The following SNTG1 variants were observed in gnomAD, a reference collection of about 807,000 sequenced individuals.
The protein encoded by SNTG1 is gamma-1-syntrophin.
In SNTG1, 39 loss-of-function variants were observed where a neutral mutation model predicts 74.7. That is an observed-to-expected ratio of 0.52 (90% CI 0.40 to 0.68). The LOEUF (loss-of-function observed/expected upper bound fraction) is 0.68. SNTG1 is among the 30% of genes least tolerant of loss of function. SNTG1 has a pLI of 0.00. For missense variants in SNTG1, 685 were observed against 609.5 expected, an observed-to-expected ratio of 1.12 and a Z score of -1.30; for synonymous variants, 254 against 217.1, an observed-to-expected ratio of 1.17 and a Z score of -1.49.
chr8:50,117,930 A>G (rs969705913), intron 1 of SNTG1, among the ~76,000 whole-genome samples: 1 of 152,142 alleles, frequency 6.6e-6, no homozygotes, highest in Non-Finnish European at 1.5e-5. Flanking sequence ...AAGTGTGCTG[A>G]GTTCCCTGTA....
In SNTG1 at chr8:50,141,492, C is replaced by T. The variant is rs184789063; in HGVS notation, c.-102-31069C>T. Among the ~76,000 whole-genome samples the T allele has an allele frequency of 2.3e-4, 35 of 152,232 alleles. No homozygotes were observed. In the East Asian group the frequency reaches 4.1e-3, roughly 18 times the overall value. On this transcript the variant is annotated intron_variant, in intron 1 of 18. Transcript: ENST00000642720. ...TACTAATGGTTCAAACCTACCTAAA[C>T]GCTTGCAATGAGAGATATGAATATG...
At chr8:50,553,611 T>C (rs900823549) in intron 12 of SNTG1, among the ~76,000 whole-genome samples, 2 of 152,152 alleles carry the variant, frequency 1.3e-5, no homozygotes, top group Admixed American at 1.3e-4. Flanking sequence ...AGTCAGAAGA[T>C]TGCCATTGTC....
At chr8:50,212,826 C>A (rs138078495) in intron 2 of SNTG1, among the ~76,000 whole-genome samples, 88 of 152,280 alleles carry the variant, frequency 5.8e-4, no homozygotes, top group African/African-American at 1.9e-3. Context: ...CATTCAGTTT[C>A]TTCCAGCAGC....
intron 1 of SNTG1, among the ~76,000 whole-genome samples, chr8:49,963,674 A>G (rs73677828): frequency 0.02 from 2,985 of 152,186 alleles, 102 homozygotes; most frequent in African/African-American, 0.066. Flanking sequence ...GGTTTCCTTT[A>G]CTACAAGCTA....
At chr8:49,951,506 G>T (rs2129391634) in intron 1 of SNTG1, among the ~76,000 whole-genome samples, 1 of 149,736 alleles carries the variant, frequency 6.7e-6, no homozygotes, top group Non-Finnish European at 1.5e-5. Flanking sequence ...AGTATCGCAA[G>T]AACAAAAAAC....
chr8:50,720,902 T>C (rs566050499), intron 17 of SNTG1, among the ~76,000 whole-genome samples: 1 of 152,322 alleles, frequency 6.6e-6, no homozygotes, highest in South Asian at 2.1e-4. Context: ...GCTACTTTTA[T>C]TGCACATAAA....
intron 2 of SNTG1, among the ~76,000 whole-genome samples, chr8:50,270,623 A>G (rs980028399): frequency 1.3e-5 from 2 of 152,184 alleles, no homozygotes; most frequent in African/African-American, 4.8e-5. Context: ...TGTGAAGTCA[A>G]TGAGGGAAGG....
At chr8:50,298,676 AT>A (rs139823822) in intron 2 of SNTG1, among the ~76,000 whole-genome samples, 211 of 152,278 alleles carry the variant, frequency 1.4e-3, no homozygotes, top group African/African-American at 4.9e-3. Context: ...ATTCAATTTT[AT>A]TACCCTTTGG....
chr8:50,051,709 A>G (rs1017741179), intron 1 of SNTG1, among the ~76,000 whole-genome samples: 13 of 152,040 alleles, frequency 8.6e-5, no homozygotes, highest in Non-Finnish European at 1.9e-4. Flanking sequence ...TCTGCCACCC[A>G]GTATTCTTGT....
At chr8:50,321,092 C>G (rs4316169) in intron 2 of SNTG1, among the ~76,000 whole-genome samples, 1 of 151,932 alleles carries the variant, frequency 6.6e-6, no homozygotes, top group African/African-American at 2.4e-5. Context: ...TCTTTGCTGA[C>G]TTTCTGTCTG....
chr8:50,411,605 A>G (rs761948838), intron 4 of SNTG1, among the ~76,000 whole-genome samples: 1 of 151,744 alleles, frequency 6.6e-6, no homozygotes, highest in Non-Finnish European at 1.5e-5. Flanking sequence ...ACAAAGGCCT[A>G]CTCTTGAAAC....
chr8:50,726,839 A>G (rs555057316), intron 17 of SNTG1, among the ~76,000 whole-genome samples: 1 of 152,054 alleles, frequency 6.6e-6, no homozygotes, highest in Non-Finnish European at 1.5e-5. Context: ...ACAGAGTGAG[A>G]CTCTGTCTCA....
intron 4 of SNTG1, among the ~76,000 whole-genome samples, chr8:50,418,727 A>G (rs946823983): frequency 6.6e-6 from 1 of 152,104 alleles, no homozygotes; most frequent in Non-Finnish European, 1.5e-5. Flanking sequence ...TAGGCAAACT[A>G]AACTCTTGAT....
intron 1 of SNTG1, among the ~76,000 whole-genome samples, chr8:50,136,586 T>G (rs1364332298): frequency 6.6e-6 from 1 of 152,162 alleles, no homozygotes; most frequent in African/African-American, 2.4e-5. Context: ...GAGAAACACC[T>G]GAATAGCAGG....
chr8:50,420,299 T>C (rs2093066349), intron 4 of SNTG1, among the ~76,000 whole-genome samples: 2 of 151,810 alleles, frequency 1.3e-5, no homozygotes, highest in South Asian at 2.1e-4. Context: ...ATAACAGCAA[T>C]AGGAAGAAAA....
intron 2 of SNTG1, among the ~76,000 whole-genome samples, chr8:50,219,418 A>G (rs918939629): frequency 6.6e-6 from 1 of 152,174 alleles, no homozygotes; most frequent in Non-Finnish European, 1.5e-5. Flanking sequence ...AGAAACAATA[A>G]ACACCAGTGT....
At chr8:50,688,305 G>T (rs1472704357) in intron 15 of SNTG1, among the ~76,000 whole-genome samples, 3 of 152,066 alleles carry the variant, frequency 2.0e-5, no homozygotes, top group Non-Finnish European at 2.9e-5. Context: ...CATTGCTTTT[G>T]GTATTTTAGA....
chr8:50,656,898 T>C lies in SNTG1; in HGVS notation c.850-11T>C, dbSNP rs765123042. On this transcript the variant is annotated splice_polypyrimidine_tract_variant and intron_variant, in intron 13 of 18. Coordinates refer to ENST00000642720, the MANE Select transcript of SNTG1 (RefSeq NM_018967.5). ...AGTTTTGACAGTTGATTGTATTCCA[T>C]TTTCTTGCAGATTGTCTACATGGGC... 19 of 1,584,478 alleles carry C rather than the reference T, an allele frequency of 1.2e-5. No homozygotes were observed. In the South Asian group the frequency reaches 1.8e-4, roughly 15 times the overall value.
At chr8:50,098,985 C>T (rs1384482430) in intron 1 of SNTG1, among the ~76,000 whole-genome samples, 2 of 152,034 alleles carry the variant, frequency 1.3e-5, no homozygotes, top group East Asian at 3.9e-4. Flanking sequence ...GAACAACGGG[C>T]CACAATCCAT....
Sources: gnomAD v4.1 joint callset for allele counts (sites outside exome capture counted in the v4.1 genomes callset) on GRCh38, gnomAD v4.1.1 for gene constraint, MANE v1.5 for transcripts, NCBI Gene and HGNC (gene_info 2026-07-23, HGNC 2026-07-21) for gene names.